The following CTNNA3 variants were observed in gnomAD, a reference collection of about 807,000 sequenced individuals.
The protein encoded by CTNNA3 is catenin alpha 3, also known as catenin alpha-3.
In CTNNA3, 76 loss-of-function variants were observed where a neutral mutation model predicts 95.7. That is an observed-to-expected ratio of 0.79 (90% CI 0.66 to 0.96). The LOEUF (loss-of-function observed/expected upper bound fraction) is 0.96. Among genes scored for constraint, CTNNA3 ranks in the 40% least tolerant of loss-of-function variants. The pLI, the probability that CTNNA3 is intolerant of heterozygous loss-of-function variation, is 0.00. For synonymous variants in CTNNA3, 431 were observed against 374.4 expected (o/e 1.15, Z -1.74); for missense variants, 1,191 against 1,089.8 (o/e 1.09, Z -1.31).
chr10:67,515,270 C>T (rs1449343534), intron 5 of CTNNA3, among the ~76,000 whole-genome samples: 2 of 152,132 alleles, frequency 1.3e-5, no homozygotes, highest in Non-Finnish European at 2.9e-5. Flanking sequence ...GATCAAATGG[C>T]TATTGCAAAA....
At chr10:66,988,497 T>G (rs1850857881) in intron 7 of CTNNA3, among the ~76,000 whole-genome samples, 1 of 152,172 alleles carries the variant, frequency 6.6e-6, no homozygotes, top group Admixed American at 6.5e-5. Context: ...CTCCAACTTC[T>G]GTGTATTGTG....
intron 1 of CTNNA3, among the ~76,000 whole-genome samples, chr10:67,693,070 T>C (rs1840899688): frequency 6.6e-6 from 1 of 152,170 alleles, no homozygotes; most frequent in South Asian, 2.1e-4. Context: ...TAATCTTCCA[T>C]TTTGCACACA....
intron 15 of CTNNA3, among the ~76,000 whole-genome samples, chr10:66,008,222 C>G (rs1386882823): frequency 6.6e-6 from 1 of 152,106 alleles, no homozygotes; most frequent in Admixed American, 6.6e-5. Context: ...AATGAGAAAC[C>G]AACAGCCACG....
At chr10:66,285,279 TC>T (rs919243946) in intron 12 of CTNNA3, among the ~76,000 whole-genome samples, 31 of 151,992 alleles carry the variant, frequency 2.0e-4, no homozygotes, top group African/African-American at 7.0e-4. Context: ...CATTATGTTT[TC>T]CCCCTCTGGC....
chr10:65,978,741 A>G (rs1339465593), intron 16 of CTNNA3, among the ~76,000 whole-genome samples: 3 of 152,106 alleles, frequency 2.0e-5, no homozygotes, highest in Non-Finnish European at 2.9e-5. Flanking sequence ...TAACTATCTC[A>G]ATGAAGAATG....
intron 9 of CTNNA3, among the ~76,000 whole-genome samples, chr10:66,754,190 T>A (rs1839278082): frequency 6.6e-6 from 1 of 152,152 alleles, no homozygotes; most frequent in South Asian, 2.1e-4. Flanking sequence ...GACATATAGA[T>A]CAGTGGAATA....
rs377746664 is a variant in CTNNA3, at chr10:66,668,833, T to C, written c.1282-47049A>G. Among the ~76,000 whole-genome samples the C allele has an allele frequency of 1.1e-4, 17 of 151,932 alleles. 1 individual carries two copies. Among genetic ancestry groups the C allele is most frequent in the East Asian group, 7.8e-4 (4 of 5,154 alleles). ...TCTCAAAAATAAATAAATAATAAAA[T>C]ATCTCACATATATATTCTATATATA... On this transcript the variant is annotated intron_variant, in intron 9 of 17. Transcript: ENST00000433211.
At position 66,512,305 on chromosome 10, in the gene CTNNA3, T is replaced by G. The variant is rs143005278; in HGVS notation, c.1531+8312A>C. Among the ~76,000 whole-genome samples the G allele has an allele frequency of 7.9e-5, 12 of 152,126 alleles. No individual in the cohort carries two copies. In the East Asian group the frequency reaches 2.3e-3, roughly 29 times the overall value. The stretch of plus-strand genomic sequence containing the variant: ...GTTTCACAAGCAGCAAATAGTTGGG[T>G]CTCAGTTTTTTAATTCAGCCAGTTT... On this transcript the variant is annotated intron_variant, in intron 11 of 17. Coordinates refer to ENST00000433211, the MANE Select transcript of CTNNA3 (RefSeq NM_013266.4).
chr10:66,907,658 G>A (rs1846044510), intron 7 of CTNNA3, among the ~76,000 whole-genome samples: 2 of 152,088 alleles, frequency 1.3e-5, no homozygotes, highest in African/African-American at 4.8e-5. Flanking sequence ...AATGATTTAA[G>A]TTTTCTATTC....
At chr10:67,021,711 T>A (rs546627762) in intron 7 of CTNNA3, among the ~76,000 whole-genome samples, 1 of 152,254 alleles carries the variant, frequency 6.6e-6, no homozygotes, top group South Asian at 2.1e-4. Flanking sequence ...AAAGTTGAGA[T>A]ACTAAAAAAT....
intron 15 of CTNNA3, among the ~76,000 whole-genome samples, chr10:66,021,693 A>G (rs1489988300): frequency 6.6e-6 from 1 of 152,124 alleles, no homozygotes; most frequent in Non-Finnish European, 1.5e-5. Context: ...GATTCTGAAT[A>G]TTCCATGTTG....
intron 15 of CTNNA3, among the ~76,000 whole-genome samples, chr10:65,997,444 A>G (rs1213030518): frequency 2.0e-5 from 3 of 152,178 alleles, no homozygotes; most frequent in Admixed American, 6.5e-5. Flanking sequence ...CTACAGTTGG[A>G]GGTGGAGAGC....
At chr10:66,373,830 T>A (rs2092772278) in intron 12 of CTNNA3, among the ~76,000 whole-genome samples, 1 of 152,200 alleles carries the variant, frequency 6.6e-6, no homozygotes, top group African/African-American at 2.4e-5. Context: ...AGTAATTGAA[T>A]ACACAATATT....
At chr10:66,072,904 A>C (rs2080470997) in intron 14 of CTNNA3, among the ~76,000 whole-genome samples, 1 of 152,168 alleles carries the variant, frequency 6.6e-6, no homozygotes, top group Admixed American at 6.6e-5. Context: ...TATGTTCTGA[A>C]GTGTATATAC....
chr10:66,927,216 T>C lies in CTNNA3; in HGVS notation c.1048-151692A>G. 1 of 1,614,164 alleles carries C rather than the reference T, an allele frequency of 6.2e-7. No homozygotes were observed. Among genetic ancestry groups the C allele is most frequent in the Non-Finnish European group, 8.5e-7 (1 of 1,180,034 alleles). On this transcript the variant is annotated intron_variant, in intron 7 of 17. Coordinates refer to ENST00000433211, the MANE Select transcript of CTNNA3 (RefSeq NM_013266.4). The surrounding 1 kb of genome is among the most constrained non-coding windows in gnomAD (Gnocchi z 4.7). ...TTGACCATAACCATATCAGCAATAT[T>C]GACGAAAATGCTTTTAATGGAATAC...
chr10:66,360,803 TCC>T (rs879310988), intron 12 of CTNNA3, among the ~76,000 whole-genome samples: 1,942 of 80,906 alleles, frequency 0.024, 188 homozygotes, highest in East Asian at 0.058. Context: ...CTTCCTTCCT[TCC>T]TTCCTTCCTT....
chr10:66,539,269 G>T (rs1439013888), intron 10 of CTNNA3, among the ~76,000 whole-genome samples: 1 of 152,112 alleles, frequency 6.6e-6, no homozygotes, highest in Non-Finnish European at 1.5e-5. Context: ...AGAAAGAGGG[G>T]CAGGTGAGCA....
chr10:66,607,112 C>T (rs61867498), intron 10 of CTNNA3, among the ~76,000 whole-genome samples: 36,920 of 151,794 alleles, frequency 0.24, 5,196 homozygotes, highest in Middle Eastern at 0.43. Flanking sequence ...CTGCTGACCC[C>T]ACAGAAATAC....
chr10:67,105,359 G>A (rs897275608), intron 7 of CTNNA3, among the ~76,000 whole-genome samples: 1 of 152,016 alleles, frequency 6.6e-6, no homozygotes, highest in Non-Finnish European at 1.5e-5. Context: ...CAGAGAAAAA[G>A]ATTTAAACTA....
Sources: allele counts gnomAD v4.1 joint callset (sites outside exome capture counted in the v4.1 genomes callset), GRCh38; gene constraint gnomAD v4.1.1; non-coding constraint Gnocchi (gnomAD v3.1); transcripts MANE v1.5; gene names NCBI Gene and HGNC (gene_info 2026-07-23, HGNC 2026-07-21).